ADGRV1: variants seen among roughly 807,000 people sequenced by gnomAD.
The protein encoded by ADGRV1 is adhesion G protein-coupled receptor V1.
Under a neutral mutation model 596.2 loss-of-function variants are expected in ADGRV1, and 359 were observed. That is an observed-to-expected ratio of 0.60 (90% CI 0.55 to 0.66). The LOEUF (loss-of-function observed/expected upper bound fraction) is 0.66, where lower values mean the gene tolerates loss of function less well. ADGRV1 is among the 30% of genes least tolerant of loss of function. The pLI, the probability that ADGRV1 is intolerant of heterozygous loss-of-function variation, is 0.00. For synonymous variants in ADGRV1, 2,681 were observed against 2,679.2 expected, an observed-to-expected ratio of 1.00 and a Z score of -0.02; for missense variants, 7,274 against 7,575.6, an observed-to-expected ratio of 0.96 and a Z score of 1.48.
intron 78 of ADGRV1, among the ~76,000 whole-genome samples, chr5:90,846,835 G>C (rs575915826): frequency 1.3e-5 from 2 of 152,094 alleles, no homozygotes; most frequent in South Asian, 2.1e-4. Context: ...TGATTGGTCC[G>C]TTTTACAGAG....
At chr5:90,587,047 T>C (rs1758840787) in intron 1 of ADGRV1, among the ~76,000 whole-genome samples, 2 of 152,218 alleles carry the variant, frequency 1.3e-5, no homozygotes, top group South Asian at 4.1e-4. Flanking sequence ...TGTGCCCTAG[T>C]TACCTTCAGT....
intron 57 of ADGRV1, among the ~76,000 whole-genome samples, chr5:90,757,620 A>C (rs920622346): frequency 6.6e-6 from 1 of 152,204 alleles, no homozygotes; most frequent in Non-Finnish European, 1.5e-5. Flanking sequence ...AAAAAAATTG[A>C]CTAAAATAAG....
intron 85 of ADGRV1, among the ~76,000 whole-genome samples, chr5:91,048,621 T>G (rs1443616141): frequency 1.3e-5 from 2 of 152,198 alleles, no homozygotes; most frequent in East Asian, 1.9e-4. Context: ...TAAATAAAAC[T>G]AATCCTTTCC....
intron 75 of ADGRV1, among the ~76,000 whole-genome samples, chr5:90,818,326 G>T (rs989947764): frequency 2.1e-4 from 32 of 150,966 alleles, no homozygotes; most frequent in Non-Finnish European, 4.0e-4. Context: ...TGAGACAATG[G>T]GGTTTTCTAG....
intron 83 of ADGRV1, among the ~76,000 whole-genome samples, chr5:90,954,621 T>C (rs930782146): frequency 1.3e-5 from 2 of 152,190 alleles, no homozygotes; most frequent in African/African-American, 2.4e-5. Flanking sequence ...ACATTTGATA[T>C]ATTTGTGCAT....
In ADGRV1 at chr5:90,854,204, A is replaced by G; in HGVS notation, c.17594+3A>G. The G allele has an allele frequency of 6.6e-7, 1 of 1,522,062 alleles. No individual in the cohort carries two copies. The highest frequency in any genetic ancestry group is 8.8e-7 in the Non-Finnish European group (1 of 1,136,014). 94.3% of individuals were successfully genotyped at this position (1,522,062 alleles called of 1,614,324 possible). A position where few individuals can be genotyped will look rare whatever the true frequency, so the allele number is the denominator to read the frequency against. ...CTTTGGAATCAGGCTGCTGCAAGGT[A>G]CTTATTAATAAAATAAAAAAATCAG... On this transcript the variant is annotated splice_donor_region_variant and intron_variant, in intron 81 of 89. Coordinates refer to ENST00000405460, the MANE Select transcript of ADGRV1 (RefSeq NM_032119.4).
chr5:90,926,920 C>T (rs1774542176), intron 83 of ADGRV1, among the ~76,000 whole-genome samples: 1 of 152,066 alleles, frequency 6.6e-6, no homozygotes, highest in Non-Finnish European at 1.5e-5. Context: ...GCAGGTTGTT[C>T]AGTTTCCATG....
chr5:90,744,397 G>A (rs1358514414), intron 50 of ADGRV1, among the ~76,000 whole-genome samples: 1 of 151,708 alleles, frequency 6.6e-6, no homozygotes, highest in Non-Finnish European at 1.5e-5. Flanking sequence ...TTAACTTGAA[G>A]AATTTATCAA....
At chr5:90,626,026 A>G (rs901671504) in intron 6 of ADGRV1, 1 of 152,220 alleles carries the variant, frequency 6.6e-6, no homozygotes, top group South Asian at 2.1e-4. Flanking sequence ...AATCTGAACA[A>G]TAATGTGCAA....
At chr5:90,660,872 C>G (rs772138015) in intron 21 of ADGRV1, among the ~76,000 whole-genome samples, 1 of 152,062 alleles carries the variant, frequency 6.6e-6, no homozygotes, top group Non-Finnish European at 1.5e-5. Flanking sequence ...TCTGACATAG[C>G]CTGCTATTTG....
At chr5:90,874,378 T>G (rs1008578762) in intron 83 of ADGRV1, among the ~76,000 whole-genome samples, 5 of 152,238 alleles carry the variant, frequency 3.3e-5, no homozygotes, top group African/African-American at 1.2e-4. Flanking sequence ...CTACGGGGTC[T>G]CATCACTGTT....
chr5:90,860,278 C>T (rs1020317543), intron 82 of ADGRV1, among the ~76,000 whole-genome samples: 4 of 151,918 alleles, frequency 2.6e-5, no homozygotes, highest in Non-Finnish European at 4.4e-5. Flanking sequence ...TAAAATGCTT[C>T]GTACTGACTT....
At chr5:90,638,011 A>T in intron 11 of ADGRV1, 63 bp downstream of exon 11, 3 of 1,088,552 alleles carry the variant, frequency 2.8e-6, no homozygotes, top group Non-Finnish European at 3.9e-6. Flanking sequence ...AATAACTTTG[A>T]TTTTTTTTTT....
intron 84 of ADGRV1, among the ~76,000 whole-genome samples, chr5:90,972,696 C>T (rs1322363701): frequency 6.6e-6 from 1 of 151,932 alleles, no homozygotes; most frequent in Non-Finnish European, 1.5e-5. Flanking sequence ...GGGACACATT[C>T]AAAGCAGTGT....
rs541950649 is a variant in ADGRV1 at position 90,648,314 on chromosome 5, T to C, written c.3289+550T>C. On this transcript the variant is annotated intron_variant, in intron 17 of 89. Transcript: ENST00000405460. ...ATGTTTTAACCCCACTCTTTGGGATTTGAGAATGTTTTGGCTCTACCTTCT... is the reference window on the plus strand; with the variant it reads ...ATGTTTTAACCCCACTCTTTGGGATCTGAGAATGTTTTGGCTCTACCTTCT... 4.4e-4 allele frequency among the ~76,000 whole-genome samples: 67 copies of C among 152,356 alleles called. 2 individuals are homozygous for C. The South Asian group carries it at 0.014, about 31-fold the overall frequency.
At position 90,692,587 on chromosome 5, in the gene ADGRV1, T is replaced by C. The variant is rs1746619985; in HGVS notation, c.6952-18T>C. On this transcript the variant is annotated intron_variant, in intron 31 of 89. Coordinates refer to ENST00000405460, the MANE Select transcript of ADGRV1 (RefSeq NM_032119.4). ...CAGAACTGTGATGCTGTTAAGGAAG[T>C]TTTCACTGTATTTTTAGGTTATCCA... The C allele has an allele frequency of 6.3e-7, 1 of 1,587,632 alleles. No individual in the cohort carries two copies. The highest frequency in any genetic ancestry group is 1.3e-5 in the African/African-American group (1 of 74,362).
intron 86 of ADGRV1, among the ~76,000 whole-genome samples, chr5:91,077,653 A>G (rs1207814532): frequency 6.6e-6 from 1 of 152,188 alleles, no homozygotes; most frequent in African/African-American, 2.4e-5. Context: ...TTTGACTGCC[A>G]TGAACCAAAT....
At chr5:90,687,872 A>G (rs1745894061) in intron 29 of ADGRV1, among the ~76,000 whole-genome samples, 2 of 152,142 alleles carry the variant, frequency 1.3e-5, no homozygotes, top group South Asian at 4.2e-4. Context: ...AAGGAGAACT[A>G]CAAACCACTG....
intron 50 of ADGRV1, 92 bp from the exon 51 acceptor site, chr5:90,744,953 AT>A: frequency 1.2e-6 from 1 of 807,964 alleles, no homozygotes; most frequent in South Asian, 1.7e-5. Context: ...GAACTTTGAG[AT>A]TTTGGAAGAT....
Sources: allele counts gnomAD v4.1 joint callset (sites outside exome capture counted in the v4.1 genomes callset), GRCh38; gene constraint gnomAD v4.1.1; transcripts MANE v1.5; gene names NCBI Gene and HGNC (gene_info 2026-07-23, HGNC 2026-07-21).